Variants in NOD1 observed in about 807,000 individuals in gnomAD.
NOD1 encodes nucleotide binding oligomerization domain containing 1.
Under a neutral mutation model 81.2 loss-of-function variants are expected in NOD1, and 70 were observed. The observed-to-expected ratio is 0.86, with a 90% confidence interval of 0.71 to 1.05. The LOEUF is 1.05. Ranked by LOEUF, NOD1 falls within the 50% of genes least tolerant of loss-of-function variation. The pLI is 0.00. For synonymous variants in NOD1, 508 were observed against 526.9 expected (o/e 0.96, Z 0.49); for missense variants, 1,233 against 1,228.0 (o/e 1.00, Z -0.06).
Position 30,471,379 on chromosome 7 carries a change from A to T in NOD1, c.-352+7227T>A, listed in dbSNP as rs147212919. Reference sequence around the variant, plus strand: ...CCGAGATACACCTGGCCTGCAACACATCTGGCACTGCAACCTCATGACCGC... The same window carrying T: ...CCGAGATACACCTGGCCTGCAACACTTCTGGCACTGCAACCTCATGACCGC... On this transcript the variant is annotated intron_variant, in intron 1 of 13. Coordinates refer to ENST00000222823, the MANE Select transcript of NOD1 (RefSeq NM_006092.4). 3.4e-3 allele frequency among the ~76,000 whole-genome samples: 519 copies of T among 152,310 alleles called. 4 individuals are homozygous for T. Among genetic ancestry groups the T allele is most frequent in the Middle Eastern group, 6.8e-3 (2 of 294 alleles).
intron 7 of NOD1, chr7:30,447,270 C>G (rs1420296890): frequency 2.6e-5 from 16 of 609,916 alleles, no homozygotes; most frequent in Non-Finnish European, 5.9e-6. Flanking sequence ...CACGTTACCT[C>G]TCTGTGCCTC....
intron 1 of NOD1, among the ~76,000 whole-genome samples, chr7:30,465,371 T>G (rs921953365): frequency 1.3e-5 from 2 of 152,004 alleles, no homozygotes; most frequent in Non-Finnish European, 1.5e-5. Flanking sequence ...CCCATGAACA[T>G]AGCCTCAGTG....
At chr7:30,432,527 A>C (rs1172150880) in intron 12 of NOD1, among the ~76,000 whole-genome samples, 3 of 152,246 alleles carry the variant, frequency 2.0e-5, no homozygotes, top group African/African-American at 7.2e-5. Flanking sequence ...TTTAGAAAAC[A>C]GTTTGGTGGC....
intron 3 of NOD1, among the ~76,000 whole-genome samples, chr7:30,458,739 T>C (rs1219212438): frequency 7.0e-6 from 1 of 142,046 alleles, no homozygotes; most frequent in East Asian, 2.1e-4. Context: ...TCCAGCCTTT[T>C]CTTTTTTTTT....
chr7:30,436,176 T>C, intron 10 of NOD1, 95 bp from the exon 11 acceptor site: 1 of 999,002 alleles, frequency 1.0e-6, no homozygotes, highest in Non-Finnish European at 1.5e-6. Context: ...TCTGCCTGGC[T>C]GTGGCCCCAG....
intron 5 of NOD1, among the ~76,000 whole-genome samples, chr7:30,454,291 AAAG>A (rs1233846439): frequency 3.9e-5 from 6 of 152,236 alleles, no homozygotes; most frequent in Non-Finnish European, 5.9e-5. Flanking sequence ...AAAAGCAGGG[AAAG>A]AAGACTCCTG....
intron 5 of NOD1, among the ~76,000 whole-genome samples, chr7:30,454,934 A>G (rs1786178828): frequency 6.6e-6 from 1 of 152,188 alleles, no homozygotes; most frequent in Non-Finnish European, 1.5e-5. Flanking sequence ...CCCTCTATAA[A>G]CCAGACCATC....
rs1785775004 is a variant in NOD1, at chr7:30,451,968, C to A, written c.1449G>T (p.Val483=). The change falls in exon 6 of 14, where the codon GTG becomes GTT. Residue 483 remains valine (V), a synonymous_variant. Transcript: ENST00000222823. This position sits in a 1 kb window ranked among gnomAD's most constrained non-coding sequence, Gnocchi z 4.2. ...CTCTCTCCTGCAGCCCGGAGGCCTG[C>A]ACCTCCTCCTGGGTGAAGACAAAGA... The part of the protein sequence containing the change: ...KSLFVFTQEE[V]QASGLQERDM... 1.2e-6 allele frequency: 2 copies of A among 1,613,564 alleles called. No individual in the cohort carries two copies. Among genetic ancestry groups the A allele is most frequent in the South Asian group, 1.1e-5 (1 of 91,086 alleles).
chr7:30,437,711 A>T (rs1784505061), intron 9 of NOD1, 55 bp from the exon 10 acceptor site: 2 of 1,326,968 alleles, frequency 1.5e-6, no homozygotes, highest in East Asian at 6.1e-5. Context: ...AGCCATGCTC[A>T]CCCCTCCTTT....
At position 30,452,599 on chromosome 7, in the gene NOD1, A is replaced by C; in HGVS notation, c.818T>G (p.Leu273Arg). The C allele has an allele frequency of 6.2e-7, 1 of 1,613,698 alleles. No homozygotes were observed. The highest frequency in any genetic ancestry group is 8.5e-7 in the Non-Finnish European group (1 of 1,180,024). ...RDPEEVFAFL[L>R]RFPHVALFTF... ...GAAGAGGGCCACGTGGGGGAAGCGC[A>C]GCAGGAAGGCAAACACCTCCTCGGG... Residue 273 changes from leucine to arginine, a missense_variant, in exon 6 of 14, where the codon CTG becomes CGG. Leu to Arg is a moderately radical substitution (Grantham distance 102). Coordinates refer to ENST00000222823, the MANE Select transcript of NOD1 (RefSeq NM_006092.4).
Position 30,433,151 on chromosome 7 carries a change from C to T in NOD1, c.2650G>A (p.Val884Met), listed in dbSNP as rs1440656571. 6.8e-6 allele frequency: 11 copies of T among 1,613,984 alleles called. No homozygotes were observed. Among genetic ancestry groups the T allele is most frequent in the African/African-American group, 1.3e-5 (1 of 74,922 alleles). The change falls in exon 12 of 14, where the codon GTG (valine) becomes ATG (methionine). Residue 884 changes from valine to methionine, a missense_variant. Transcript: ENST00000222823. Reference sequence around the variant, plus strand: ...AACATTTCTGCCAAACTCTCTGCCACTTCATCGTTGAGTTCATTTTGGGTC... The same window carrying T: ...AACATTTCTGCCAAACTCTCTGCCATTTCATCGTTGAGTTCATTTTGGGTC... ...WLTQNELNDE[V>M]AESLAEMLKV...
chr7:30,426,736 T>A (rs1416885335), intron 13 of NOD1, among the ~76,000 whole-genome samples: 1 of 152,088 alleles, frequency 6.6e-6, no homozygotes, highest in Non-Finnish European at 1.5e-5. Context: ...AGTCCCCTCT[T>A]CCACACTGTC....
At position 30,451,436 on chromosome 7, in the gene NOD1, C is replaced by T. The variant is rs1323531737; in HGVS notation, c.1981G>A (p.Glu661Lys). The change falls in exon 6 of 14, where the codon GAG becomes AAG. Residue 661 changes from glutamate to lysine, a missense_variant. Coordinates refer to ENST00000222823, the MANE Select transcript of NOD1 (RefSeq NM_006092.4). The surrounding 1 kb of genome is among the most constrained non-coding windows in gnomAD (Gnocchi z 4.2). ...TFIWMLRCIY[E>K]TQSQKVGQLA... ...TGCCCCACCTTCTGGCTCTGTGTCTCGTAGATGCAGCGCAGCATCCAGATG... is the reference window on the plus strand; with the variant it reads ...TGCCCCACCTTCTGGCTCTGTGTCTTGTAGATGCAGCGCAGCATCCAGATG... The T allele has an allele frequency of 6.2e-6, 10 of 1,613,610 alleles. No homozygotes were observed. Among genetic ancestry groups the T allele is most frequent in the African/African-American group, 2.7e-5 (2 of 74,922 alleles).
At chr7:30,431,861 T>G (rs1001255083) in intron 12 of NOD1, among the ~76,000 whole-genome samples, 1 of 152,188 alleles carries the variant, frequency 6.6e-6, no homozygotes, top group Admixed American at 6.5e-5. Flanking sequence ...TCCCAGCACT[T>G]TGGGAGGCTG....
chr7:30,447,357 G>A (rs1189877123), intron 7 of NOD1: 3 of 407,336 alleles, frequency 7.4e-6, no homozygotes, highest in East Asian at 5.6e-5. Flanking sequence ...AGGACATAAC[G>A]CAAAGCCCTG....
intron 3 of NOD1, among the ~76,000 whole-genome samples, 164 bp downstream of exon 3, chr7:30,458,988 C>A (rs375958497): frequency 6.6e-6 from 1 of 152,106 alleles, no homozygotes; most frequent in Non-Finnish European, 1.5e-5. Flanking sequence ...CTGCCCACCT[C>A]GGCCTCCCAA....
At chr7:30,445,278 T>TAAAAAAAAAAGAAAAA (rs1784924250) in intron 9 of NOD1, among the ~76,000 whole-genome samples, 1 of 69,174 alleles carries the variant, frequency 1.4e-5, no homozygotes, top group Non-Finnish European at 2.5e-5. Context: ...AAAAAGAATC[T>TAAAAAAAAAAGAAAAA]AAAAAAAAAA....
At chr7:30,438,925 T>C (rs544235561) in intron 9 of NOD1, among the ~76,000 whole-genome samples, 1 of 152,358 alleles carries the variant, frequency 6.6e-6, no homozygotes, top group Admixed American at 6.5e-5. Context: ...ATAATTTTTA[T>C]TATTTTTCAT....
chr7:30,462,430 T>G (rs887407749), intron 1 of NOD1, among the ~76,000 whole-genome samples: 1 of 151,864 alleles, frequency 6.6e-6, no homozygotes, highest in Non-Finnish European at 1.5e-5. Context: ...TGATGGGTTT[T>G]TTTTTTTTTT....
Sources: allele counts gnomAD v4.1 joint callset (sites outside exome capture counted in the v4.1 genomes callset), GRCh38; gene constraint gnomAD v4.1.1; non-coding constraint Gnocchi (gnomAD v3.1); transcripts MANE v1.5; gene names NCBI Gene and HGNC (gene_info 2026-07-23, HGNC 2026-07-21).